ROR2: variants seen among roughly 807,000 people sequenced by gnomAD.
ROR2 encodes the protein tyrosine-protein kinase transmembrane receptor ROR2.
In ROR2, 33 loss-of-function variants were observed where a neutral mutation model predicts 74.9. That is an observed-to-expected ratio of 0.44 (90% CI 0.33 to 0.59). The LOEUF (loss-of-function observed/expected upper bound fraction) is 0.59. Among genes scored for constraint, ROR2 ranks in the 20% least tolerant of loss-of-function variants. ROR2 has a pLI of 0.02. For synonymous variants in ROR2, 586 were observed against 558.7 expected (o/e 1.05, Z -0.69); for missense variants, 1,216 against 1,313.8 (o/e 0.93, Z 1.15).
At chr9:91,794,607 C>T (rs1449050571) in intron 1 of ROR2, among the ~76,000 whole-genome samples, 1 of 152,002 alleles carries the variant, frequency 6.6e-6, no homozygotes, top group Non-Finnish European at 1.5e-5. Flanking sequence ...TTTCTTGAGG[C>T]AGAGTCTCTG....
chr9:91,730,201 C>T (rs558142964), intron 7 of ROR2, among the ~76,000 whole-genome samples: 3 of 152,242 alleles, frequency 2.0e-5, no homozygotes, highest in South Asian at 4.1e-4. Flanking sequence ...TCTTGGCCTC[C>T]CAAAGTACTG....
chr9:91,932,192 A>G (rs1400068701), intron 1 of ROR2, among the ~76,000 whole-genome samples: 1 of 152,174 alleles, frequency 6.6e-6, no homozygotes, highest in African/African-American at 2.4e-5. Flanking sequence ...TTAACCATAC[A>G]CACACAAAAA....
Position 91,723,225 on chromosome 9 carries a change from G to A in ROR2, c.*437C>T, listed in dbSNP as rs928897569. The A allele has an allele frequency of 5.8e-6, 1 of 173,290 alleles. No homozygotes were observed. Among genetic ancestry groups the A allele is most frequent in the Non-Finnish European group, 1.2e-5 (1 of 81,094 alleles). 10.7% of individuals were successfully genotyped at this position (173,290 alleles called of 1,614,324 possible). A position where few individuals can be genotyped will look rare whatever the true frequency, so the allele number is the denominator to read the frequency against. ...CCTTCATCCTCAAACCAACAGACCA[G>A]ATCGGTTGTCAGGAACCTCAAGACC... On this transcript the variant is annotated 3_prime_UTR_variant, in exon 9 of 9. Coordinates refer to ENST00000375708, the MANE Select transcript of ROR2 (RefSeq NM_004560.4).
intron 1 of ROR2, among the ~76,000 whole-genome samples, chr9:91,778,814 G>A (rs1434422824): frequency 2.0e-5 from 3 of 152,176 alleles, no homozygotes; most frequent in African/African-American, 4.8e-5. Flanking sequence ...ACAGAGTGGC[G>A]AGGTGAAGCC....
In ROR2 at chr9:91,824,183, G is replaced by A. The variant is rs113244039; in HGVS notation, c.98-48365C>T. Reference sequence around the variant, plus strand: ...ACCTTCCCAGAGAGACACCATTACCGGCATCTTACAGATAAAGGATGGGCC... The same window carrying A: ...ACCTTCCCAGAGAGACACCATTACCAGCATCTTACAGATAAAGGATGGGCC... On this transcript the variant is annotated intron_variant, in intron 1 of 8. Transcript: ENST00000375708. Among the ~76,000 whole-genome samples, 465 of 152,300 alleles carry A rather than the reference G, an allele frequency of 3.1e-3. 4 individuals are homozygous for A. The highest frequency in any genetic ancestry group is 9.9e-3 in the African/African-American group (410 of 41,558).
intron 1 of ROR2, among the ~76,000 whole-genome samples, chr9:91,807,843 T>C (rs7867961): frequency 0.13 from 20,003 of 152,106 alleles, 2,441 homozygotes; most frequent in East Asian, 0.31. Flanking sequence ...GTGAGATCAC[T>C]GTACACTATG....
chr9:91,832,878 T>C (rs1431795913), intron 1 of ROR2, among the ~76,000 whole-genome samples: 2 of 152,130 alleles, frequency 1.3e-5, no homozygotes. Context: ...AATCGGGGCC[T>C]CCTATAGCCC....
chr9:91,858,895 G>A (rs2119289439), intron 1 of ROR2, among the ~76,000 whole-genome samples: 1 of 152,258 alleles, frequency 6.6e-6, no homozygotes, highest in South Asian at 2.1e-4. Context: ...AGCTATGGGG[G>A]ACAGAAGAGG....
chr9:91,733,820 A>C lies in ROR2; in HGVS notation c.623-384T>G, dbSNP rs941807719. 6.6e-6 allele frequency among the ~76,000 whole-genome samples: 1 copy of C among 152,198 alleles called. No individual in the cohort carries two copies. The highest frequency in any genetic ancestry group is 2.4e-5 in the African/African-American group (1 of 41,450). Reference sequence around the variant, plus strand: ...GATCCTAAGGACCCGCCATGTGTGGAGAGCGCAGGCCAAGAAGTGCAGTAC... The same window carrying C: ...GATCCTAAGGACCCGCCATGTGTGGCGAGCGCAGGCCAAGAAGTGCAGTAC... On this transcript the variant is annotated intron_variant, in intron 5 of 8. Transcript: ENST00000375708. The surrounding 1 kb of genome is among the most constrained non-coding windows in gnomAD (Gnocchi z 5.7).
intron 8 of ROR2, 128 bp downstream of exon 8, chr9:91,726,413 T>A: frequency 1.1e-5 from 10 of 935,108 alleles, no homozygotes; most frequent in South Asian, 4.3e-5. Flanking sequence ...AATGGCAAAA[T>A]GAAGCGGAGT....
chr9:91,920,242 C>T lies in ROR2; in HGVS notation c.97+29625G>A, dbSNP rs1831230082. ...AACACGATGGCCGGGCGTAGTGGCT[C>T]ATGCCTATAATCCCAGCACTTTGAG... On this transcript the variant is annotated intron_variant, in intron 1 of 8. Coordinates refer to ENST00000375708, the MANE Select transcript of ROR2 (RefSeq NM_004560.4). 1.3e-5 allele frequency among the ~76,000 whole-genome samples: 2 copies of T among 152,234 alleles called. 1 individual carries two copies. Among genetic ancestry groups the T allele is most frequent in the Admixed American group, 1.3e-4 (2 of 15,278 alleles).
At chr9:91,818,089 A>G (rs1828005594) in intron 1 of ROR2, among the ~76,000 whole-genome samples, 1 of 152,154 alleles carries the variant, frequency 6.6e-6, no homozygotes, top group African/African-American at 2.4e-5. Flanking sequence ...GCCAAACTAA[A>G]TCAATTCAGC....
At chr9:91,804,291 AG>A (rs1364500360) in intron 1 of ROR2, among the ~76,000 whole-genome samples, 1 of 152,192 alleles carries the variant, frequency 6.6e-6, no homozygotes, top group Non-Finnish European at 1.5e-5. Flanking sequence ...CCTGTGTTCC[AG>A]CAACCCTCTG....
chr9:91,811,782 C>T (rs1350030815), intron 1 of ROR2, among the ~76,000 whole-genome samples: 1 of 152,250 alleles, frequency 6.6e-6, no homozygotes, highest in Non-Finnish European at 1.5e-5. Flanking sequence ...TCCCTCACAG[C>T]AAGCCTCCTC....
At chr9:91,938,749 C>A (rs893049364) in intron 1 of ROR2, among the ~76,000 whole-genome samples, 3 of 152,212 alleles carry the variant, frequency 2.0e-5, no homozygotes, top group African/African-American at 7.2e-5. Flanking sequence ...CTCAGAATCT[C>A]TTCTTTGAAA....
intron 2 of ROR2, among the ~76,000 whole-genome samples, chr9:91,773,128 C>T (rs1826291904): frequency 6.6e-6 from 1 of 152,156 alleles, no homozygotes; most frequent in African/African-American, 2.4e-5. Context: ...CCCCTGCAGC[C>T]CTCTGCTCCA....
chr9:91,756,177 T>G, intron 3 of ROR2, 76 bp from the exon 4 acceptor site: 1 of 1,483,712 alleles, frequency 6.7e-7, no homozygotes, highest in Non-Finnish European at 9.4e-7. Context: ...ATCAGGCCAG[T>G]GGCAAACAGG....
chr9:91,894,317 G>C (rs1428104479), intron 1 of ROR2, among the ~76,000 whole-genome samples: 2 of 152,168 alleles, frequency 1.3e-5, no homozygotes, highest in Non-Finnish European at 2.9e-5. Context: ...AGCCTCATCT[G>C]ATCTCCCCTG....
intron 4 of ROR2, among the ~76,000 whole-genome samples, chr9:91,741,316 A>G (rs926055298): frequency 1.4e-5 from 2 of 144,262 alleles, no homozygotes; most frequent in African/African-American, 5.2e-5. Context: ...AATAATAATA[A>G]TAATAATAAT....
Sources: allele counts gnomAD v4.1 joint callset (sites outside exome capture counted in the v4.1 genomes callset), GRCh38; gene constraint gnomAD v4.1.1; non-coding constraint Gnocchi (gnomAD v3.1); transcripts MANE v1.5; gene names NCBI Gene and HGNC (gene_info 2026-07-23, HGNC 2026-07-21).